The following LRMDA variants were observed in gnomAD, a reference collection of about 807,000 sequenced individuals.
LRMDA encodes leucine rich melanocyte differentiation associated.
Under a neutral mutation model 29.8 loss-of-function variants are expected in LRMDA, and 18 were observed. The ratio of observed to expected loss-of-function variants is 0.60; its 90% CI spans 0.42 to 0.90. The LOEUF (loss-of-function observed/expected upper bound fraction) is 0.90. Ranked by LOEUF, LRMDA falls within the 40% of genes least tolerant of loss-of-function variation. The pLI is 0.00. For synonymous variants in LRMDA, 125 were observed against 109.4 expected (o/e 1.14, Z -0.89); for missense variants, 273 against 273.9 (o/e 1.00, Z 0.02).
chr10:76,114,851 T>C (rs1849642237), intron 5 of LRMDA, among the ~76,000 whole-genome samples: 1 of 152,202 alleles, frequency 6.6e-6, no homozygotes, highest in African/African-American at 2.4e-5. Context: ...GAGAAGCCCT[T>C]TCTGGAGGCC....
chr10:76,127,962 A>G (rs1345795519), intron 5 of LRMDA, among the ~76,000 whole-genome samples: 1 of 152,206 alleles, frequency 6.6e-6, no homozygotes, highest in South Asian at 2.1e-4. Context: ...ACCAACTTAA[A>G]AAAAAACAAC....
At chr10:75,461,058 G>A (rs1299974300) in intron 2 of LRMDA, among the ~76,000 whole-genome samples, 5 of 152,166 alleles carry the variant, frequency 3.3e-5, no homozygotes, top group Non-Finnish European at 7.3e-5. Flanking sequence ...AGCTAGGTTC[G>A]TGGTTGAGGC....
intron 6 of LRMDA, among the ~76,000 whole-genome samples, chr10:76,526,972 AT>A (rs1364496253): frequency 7.4e-6 from 1 of 134,250 alleles, no homozygotes; most frequent in East Asian, 2.1e-4. Flanking sequence ...AACGTAAAGT[AT>A]AATAAAATAA....
chr10:75,814,014 A>T (rs1294928365), intron 2 of LRMDA, among the ~76,000 whole-genome samples: 4 of 152,242 alleles, frequency 2.6e-5, no homozygotes, highest in Non-Finnish European at 4.4e-5. Context: ...TAATTCTTGA[A>T]TTCCCATTTC....
chr10:76,143,710 G>A (rs1409339975), intron 5 of LRMDA, among the ~76,000 whole-genome samples: 1 of 152,282 alleles, frequency 6.6e-6, no homozygotes, highest in East Asian at 1.9e-4. Context: ...GATCCCATTT[G>A]TCAATTTTGG....
chr10:76,115,493 A>G (rs1439055084), intron 5 of LRMDA, among the ~76,000 whole-genome samples: 1 of 152,206 alleles, frequency 6.6e-6, no homozygotes, highest in Admixed American at 6.5e-5. Flanking sequence ...GGCAAAGCAA[A>G]AGGAACCTGA....
At chr10:76,222,646 A>G (rs1851865927) in intron 5 of LRMDA, among the ~76,000 whole-genome samples, 1 of 152,236 alleles carries the variant, frequency 6.6e-6, no homozygotes, top group Non-Finnish European at 1.5e-5. Flanking sequence ...GTGGAGAAAT[A>G]GGAACACTTT....
chr10:76,094,616 G>C (rs1354850792), intron 5 of LRMDA, among the ~76,000 whole-genome samples: 2 of 152,112 alleles, frequency 1.3e-5, no homozygotes, highest in Non-Finnish European at 2.9e-5. Flanking sequence ...TCCATGGACT[G>C]GTGCCAGTAT....
At chr10:75,540,385 A>T (rs1840001400) in intron 2 of LRMDA, among the ~76,000 whole-genome samples, 1 of 152,214 alleles carries the variant, frequency 6.6e-6, no homozygotes, top group South Asian at 2.1e-4. Context: ...GATTGGCATG[A>T]TAGGCTTATA....
At chr10:76,415,472 G>T (rs1421342309) in intron 6 of LRMDA, among the ~76,000 whole-genome samples, 1 of 152,102 alleles carries the variant, frequency 6.6e-6, no homozygotes, top group Non-Finnish European at 1.5e-5. Context: ...GTTTGTTTGT[G>T]TGACCTGGAA....
At chr10:76,392,813 G>T (rs539461025) in intron 6 of LRMDA, among the ~76,000 whole-genome samples, 51 of 151,904 alleles carry the variant, frequency 3.4e-4, no homozygotes, top group African/African-American at 1.1e-3. Flanking sequence ...TTGAAATTTT[G>T]TATCCTTTGA....
chr10:75,451,449 TA>T (rs1844459018), intron 2 of LRMDA: 1 of 152,160 alleles, frequency 6.6e-6, no homozygotes, highest in Non-Finnish European at 1.5e-5. Flanking sequence ...TCAATGACAA[TA>T]AATATAGTAA....
At chr10:76,126,577 C>T (rs887774438) in intron 5 of LRMDA, among the ~76,000 whole-genome samples, 8 of 152,192 alleles carry the variant, frequency 5.3e-5, no homozygotes, top group African/African-American at 1.7e-4. Context: ...CTGCCTTTCT[C>T]CTCTCTACAT....
intron 5 of LRMDA, among the ~76,000 whole-genome samples, chr10:76,138,952 G>A (rs889086181): frequency 1.5e-4 from 23 of 151,954 alleles, no homozygotes; most frequent in East Asian, 3.9e-4. Context: ...ATAGCCAATC[G>A]GCAATATAAA....
chr10:76,016,015 T>A (rs1847873423), intron 2 of LRMDA, among the ~76,000 whole-genome samples: 1 of 152,240 alleles, frequency 6.6e-6, no homozygotes, highest in South Asian at 2.1e-4. Context: ...TTATGTGGCA[T>A]ATAATCATAT....
chr10:76,419,532 G>T (rs1257075266), intron 6 of LRMDA, among the ~76,000 whole-genome samples: 2 of 152,054 alleles, frequency 1.3e-5, no homozygotes, highest in Non-Finnish European at 2.9e-5. Context: ...GTAAACATCT[G>T]TGTGCAGGTT....
At chr10:75,664,545 G>C (rs1020088053) in intron 2 of LRMDA, among the ~76,000 whole-genome samples, 6 of 152,162 alleles carry the variant, frequency 3.9e-5, no homozygotes, top group African/African-American at 1.2e-4. Context: ...CAGGAGGGAA[G>C]GGGTTTAGGA....
intron 6 of LRMDA, among the ~76,000 whole-genome samples, chr10:76,352,235 A>G (rs896841665): frequency 3.3e-5 from 5 of 152,146 alleles, no homozygotes; most frequent in African/African-American, 7.2e-5. Flanking sequence ...TGTATACTGT[A>G]TTATTTTTTT....
chr10:76,188,419 C>T (rs927026990), intron 5 of LRMDA, among the ~76,000 whole-genome samples: 1 of 152,184 alleles, frequency 6.6e-6, no homozygotes, highest in Non-Finnish European at 1.5e-5. Context: ...CACCCAAAGA[C>T]ATGAATCTTT....
Sources: allele counts gnomAD v4.1 joint callset (sites outside exome capture counted in the v4.1 genomes callset), GRCh38; gene constraint gnomAD v4.1.1; transcripts MANE v1.5; gene names NCBI Gene and HGNC (gene_info 2026-07-23, HGNC 2026-07-21).